The following ADRA1D variants were observed in gnomAD, a reference collection of about 807,000 sequenced individuals.
ADRA1D encodes the protein adrenoceptor alpha 1D.
Under a neutral mutation model 18.6 loss-of-function variants are expected in ADRA1D, and 22 were observed. The ratio of observed to expected loss-of-function variants is 1.19; its 90% confidence interval spans 0.85 to 1.69. The LOEUF is 1.69. ADRA1D is among the 40% of genes most tolerant of loss of function. The pLI is 0.00. For synonymous variants in ADRA1D, 376 were observed against 388.2 expected (o/e 0.97, Z 0.37); for missense variants, 840 against 840.7 (o/e 1.00, Z 0.01).
chr20:4,246,425 A>G (rs73610172), intron 1 of ADRA1D, among the ~76,000 whole-genome samples: 9,171 of 152,146 alleles, frequency 0.06, 542 homozygotes, highest in East Asian at 0.31. Context: ...TGGCCAGGAG[A>G]GATTGGGAAG....
chr20:4,243,969 C>T (rs1458988227), intron 1 of ADRA1D, among the ~76,000 whole-genome samples: 1 of 152,220 alleles, frequency 6.6e-6, no homozygotes, highest in African/African-American at 2.4e-5. Context: ...GTCCCAGTGT[C>T]TCCCAGCCAG....
intron 1 of ADRA1D, among the ~76,000 whole-genome samples, chr20:4,232,048 G>GA (rs1241279121): frequency 1.3e-5 from 2 of 152,210 alleles, no homozygotes; most frequent in African/African-American, 4.8e-5. Flanking sequence ...AAGTAGCTGG[G>GA]AATACAGGCG....
intron 1 of ADRA1D, among the ~76,000 whole-genome samples, chr20:4,235,080 A>C (rs1213581240): frequency 3.3e-5 from 5 of 152,198 alleles, no homozygotes; most frequent in African/African-American, 1.2e-4. Context: ...TGCTATACCA[A>C]GCCGAGCCTC....
In ADRA1D at chr20:4,249,042, T is replaced by A; in HGVS notation, c.-85A>T. 1 of 1,040,452 alleles carries A rather than the reference T, an allele frequency of 9.6e-7. No individual in the cohort carries two copies. Among genetic ancestry groups the A allele is most frequent in the Non-Finnish European group, 1.2e-6 (1 of 839,434 alleles). The allele number at this position is 1,040,452 out of a possible 1,614,324, so 64.5% of individuals were successfully genotyped here. A position where few individuals can be genotyped will look rare whatever the true frequency, so the allele number is the denominator to read the frequency against. ...GGAGCACAGGGCATAGCCGCGGGGC[T>A]CCAGATGCAGCTCCGCGCACGGGTC... On this transcript the variant is annotated 5_prime_UTR_variant, in exon 1 of 2. Transcript: ENST00000379453.
At chr20:4,230,328 T>C (rs944400618) in intron 1 of ADRA1D, among the ~76,000 whole-genome samples, 1 of 152,210 alleles carries the variant, frequency 6.6e-6, no homozygotes, top group Non-Finnish European at 1.5e-5. Flanking sequence ...CAAGAAGACC[T>C]CACAGGCATA....
rs143027849 is a variant in ADRA1D, at chr20:4,246,947, C to T, written c.1111+900G>A. 9.1e-4 allele frequency among the ~76,000 whole-genome samples: 139 copies of T among 152,256 alleles called. 4 individuals are homozygous for T. In the East Asian group the frequency reaches 0.024, roughly 26 times the overall value. On this transcript the variant is annotated intron_variant, in intron 1 of 1. Transcript: ENST00000379453. ...AGGCCTGGGAGAGGCAGAGAAGGCCCGGCTTGGGCCTGCGGAGGTTGCAGC... is the reference window on the plus strand; with the variant it reads ...AGGCCTGGGAGAGGCAGAGAAGGCCTGGCTTGGGCCTGCGGAGGTTGCAGC...
At chr20:4,224,934 T>C (rs961106143) in intron 1 of ADRA1D, among the ~76,000 whole-genome samples, 78 of 150,502 alleles carry the variant, frequency 5.2e-4, no homozygotes, top group South Asian at 8.4e-4. Flanking sequence ...TAGCATCATA[T>C]GGCACAGGCT....
At chr20:4,236,846 G>C (rs2122669029) in intron 1 of ADRA1D, among the ~76,000 whole-genome samples, 1 of 152,358 alleles carries the variant, frequency 6.6e-6, no homozygotes, top group East Asian at 1.9e-4. Flanking sequence ...AAGACATCCA[G>C]TGGCCTCTAG....
intron 1 of ADRA1D, among the ~76,000 whole-genome samples, chr20:4,244,201 C>T (rs1203628508): frequency 1.3e-5 from 2 of 152,218 alleles, no homozygotes; most frequent in African/African-American, 4.8e-5. Context: ...TGAGTGAGGG[C>T]ACCCCAGGTC....
rs1239713289 is a variant in ADRA1D, at chr20:4,248,079, C to A, written c.879G>T (p.Lys293Asn). 1 of 1,552,212 alleles carries A rather than the reference C, an allele frequency of 6.4e-7. No homozygotes were observed. Among genetic ancestry groups the A allele is most frequent in the East Asian group, 2.4e-5 (1 of 41,064 alleles). The change falls in exon 1 of 2, where the codon AAG (lysine) becomes AAT (asparagine). Residue 293 changes from lysine to asparagine, a missense_variant. Physicochemically the swap from Lys to Asn is moderately conservative, Grantham distance 94. Coordinates refer to ENST00000379453, the MANE Select transcript of ADRA1D (RefSeq NM_000678.4). ...STTRSLEAGV[K>N]RERGKASEVV... ...CCTCGGAGGCCTTGCCTCGCTCGCGCTTGACGCCCGCCTCGAGGCTGCGCG... is the reference window on the plus strand; with the variant it reads ...CCTCGGAGGCCTTGCCTCGCTCGCGATTGACGCCCGCCTCGAGGCTGCGCG...
At chr20:4,233,501 G>A (rs147889951) in intron 1 of ADRA1D, among the ~76,000 whole-genome samples, 187 of 151,590 alleles carry the variant, frequency 1.2e-3, no homozygotes, top group African/African-American at 4.3e-3. Flanking sequence ...TTTTTTTTGA[G>A]ACCCTGTCTC....
At chr20:4,243,624 G>A (rs1045606243) in intron 1 of ADRA1D, among the ~76,000 whole-genome samples, 2 of 152,146 alleles carry the variant, frequency 1.3e-5, no homozygotes, top group Non-Finnish European at 2.9e-5. Flanking sequence ...CACTATGCAC[G>A]GAGCAGGCAG....
At position 4,221,992 on chromosome 20, in the gene ADRA1D, A is replaced by C; in HGVS notation, c.1250T>G (p.Leu417Arg). The change falls in exon 2 of 2, where the codon CTG (leucine) becomes CGG (arginine). Residue 417 changes from leucine to arginine, a missense_variant. Coordinates refer to ENST00000379453, the MANE Select transcript of ADRA1D (RefSeq NM_000678.4). ...CCGGCGACGACGGCACTGGCAGCGCAGGAGACGGAGGAAGGCGCGCTTGAA... is the reference window on the plus strand; with the variant it reads ...CCGGCGACGACGGCACTGGCAGCGCCGGAGACGGAGGAAGGCGCGCTTGAA... ...REFKRAFLRLLRCQCRRRRRR... is the reference protein window; with the variant it reads ...REFKRAFLRLRRCQCRRRRRR... 1 of 1,581,864 alleles carries C rather than the reference A, an allele frequency of 6.3e-7. No individual in the cohort carries two copies. The highest frequency in any genetic ancestry group is 8.6e-7 in the Non-Finnish European group (1 of 1,164,352).
intron 1 of ADRA1D, among the ~76,000 whole-genome samples, chr20:4,235,074 A>G (rs1474814750): frequency 6.6e-6 from 1 of 152,228 alleles, no homozygotes; most frequent in African/African-American, 2.4e-5. Context: ...TGGGCCTGCT[A>G]TACCAAGCCG....
chr20:4,243,836 C>T (rs936839245), intron 1 of ADRA1D, among the ~76,000 whole-genome samples: 1 of 152,212 alleles, frequency 6.6e-6, no homozygotes, highest in Non-Finnish European at 1.5e-5. Context: ...GGTTGACCCT[C>T]TGCCTGCCTT....
intron 1 of ADRA1D, among the ~76,000 whole-genome samples, chr20:4,237,459 G>GAAA (rs35448645): frequency 1.5e-5 from 2 of 136,744 alleles, no homozygotes; most frequent in Admixed American, 7.4e-5. Context: ...TCCATCTCTT[G>GAAA]AAAAAAAAAA....
At position 4,222,457 on chromosome 20, in the gene ADRA1D, T is replaced by C. The variant is rs57498252; in HGVS notation, c.1112-327A>G. The C allele has an allele frequency of 0.015, 3,056 of 208,742 alleles. 90 individuals carry two copies. Among genetic ancestry groups the C allele is most frequent in the African/African-American group, 0.065 (2,795 of 43,216 alleles). 12.9% of individuals were successfully genotyped at this position (208,742 alleles called of 1,614,324 possible). A position where few individuals can be genotyped will look rare whatever the true frequency, so the allele number is the denominator to read the frequency against. Reference sequence around the variant, plus strand: ...GGCAGTTTCGTATTATGAGACAAAGTAGCAAACATAGCCATGTTTGCTCAT... The same window carrying C: ...GGCAGTTTCGTATTATGAGACAAAGCAGCAAACATAGCCATGTTTGCTCAT... On this transcript the variant is annotated intron_variant, in intron 1 of 1. Coordinates refer to ENST00000379453, the MANE Select transcript of ADRA1D (RefSeq NM_000678.4). The surrounding 1 kb of genome is among the most constrained non-coding windows in gnomAD (Gnocchi z 4.3).
Position 4,249,154 on chromosome 20 carries a change from C to G in ADRA1D, c.-197G>C. On this transcript the variant is annotated 5_prime_UTR_variant, in exon 1 of 2. Coordinates refer to ENST00000379453, the MANE Select transcript of ADRA1D (RefSeq NM_000678.4). ...CTGGCCCGGGCGGCGGCCGGGCTCC[C>G]CGAGGCCGGCCGTGGAGTAGCACCG... 1 of 248,018 alleles carries G rather than the reference C, an allele frequency of 4.0e-6. No homozygotes were observed. Among genetic ancestry groups the G allele is most frequent in the Non-Finnish European group, 6.9e-6 (1 of 145,412 alleles). 15.4% of individuals were successfully genotyped at this position (248,018 alleles called of 1,614,324 possible). A position where few individuals can be genotyped will look rare whatever the true frequency, so the allele number is the denominator to read the frequency against.
intron 1 of ADRA1D, among the ~76,000 whole-genome samples, chr20:4,233,209 C>T (rs1981010227): frequency 6.6e-6 from 1 of 151,962 alleles, no homozygotes; most frequent in African/African-American, 2.4e-5. Context: ...CATATAAATC[C>T]CAGCACTTTG....
Sources: allele counts gnomAD v4.1 joint callset (sites outside exome capture counted in the v4.1 genomes callset), GRCh38; gene constraint gnomAD v4.1.1; non-coding constraint Gnocchi (gnomAD v3.1); transcripts MANE v1.5; gene names NCBI Gene and HGNC (gene_info 2026-07-23, HGNC 2026-07-21).